The following MYRF variants were observed in gnomAD, a reference collection of about 807,000 sequenced individuals.
The protein encoded by MYRF is myelin regulatory factor, also known as myelin gene regulatory factor.
Under a neutral mutation model 126.3 loss-of-function variants are expected in MYRF, and 16 were observed. That is an observed-to-expected ratio of 0.13 (90% CI 0.09 to 0.19). The LOEUF (loss-of-function observed/expected upper bound fraction) is 0.19, where lower values mean the gene tolerates loss of function less well. Ranked by LOEUF, MYRF falls within the 10% of genes least tolerant of loss-of-function variation. The pLI, the probability that MYRF is intolerant of heterozygous loss-of-function variation, is 1.00. For missense variants in MYRF, 1,104 were observed against 1,547.0 expected, an observed-to-expected ratio of 0.71 and a Z score of 4.80; for synonymous variants, 608 against 635.3, an observed-to-expected ratio of 0.96 and a Z score of 0.65.
intron 1 of MYRF, chr11:61,755,386 G>A (rs373384599): frequency 4.4e-6 from 7 of 1,600,202 alleles, no homozygotes; most frequent in South Asian, 2.2e-5. Context: ...CCAGATCGGC[G>A]GGCACAGGGC....
At chr11:61,762,593 C>T (rs1387898993) in intron 1 of MYRF, among the ~76,000 whole-genome samples, 1 of 152,138 alleles carries the variant, frequency 6.6e-6, no homozygotes, top group Admixed American at 6.5e-5. Flanking sequence ...CTGCCCCTGT[C>T]CTGGGTTCTT....
intron 22 of MYRF, chr11:61,782,384 ATT>A (rs1187750583): frequency 6.6e-6 from 1 of 152,340 alleles, no homozygotes; most frequent in Non-Finnish European, 1.5e-5. Context: ...CATCTGATGG[ATT>A]TTGTGGCTTC....
intron 25 of MYRF, chr11:61,785,595 C>G (rs2066673884): frequency 1.7e-6 from 1 of 587,930 alleles, no homozygotes; most frequent in African/African-American, 1.9e-5. Flanking sequence ...GTGGACCTGC[C>G]AGTCCCGGGC....
rs1013170998 is a variant in MYRF at position 61,757,779 on chromosome 11, C to T, written c.46+4989C>T. 6 of 334,796 alleles carry T rather than the reference C, an allele frequency of 1.8e-5. No individual in the cohort carries two copies. The highest frequency in any genetic ancestry group is 2.4e-5 in the Non-Finnish European group (4 of 168,192). 20.7% of individuals were successfully genotyped at this position (334,796 alleles called of 1,614,324 possible). ...CTGGAGTCCTGGGGTGCAGTGGAAG[C>T]GTGGGTGACGGCCTCCCATTTCTGA... is the stretch of plus-strand genomic sequence containing the variant. On this transcript the variant is annotated intron_variant, in intron 1 of 26. Coordinates refer to ENST00000278836, the MANE Select transcript of MYRF (RefSeq NM_001127392.3). This position sits in a 1 kb window ranked among gnomAD's most constrained non-coding sequence, Gnocchi z 4.7.
At position 61,781,134 on chromosome 11, in the gene MYRF, T is replaced by C. The variant is rs772985777; in HGVS notation, c.2573-4T>C. Reference sequence around the variant, plus strand: ...CTGGCTCATACAGCCTCTGGCCTCCTCAGTGACCACCAGCCTCACCAGCTC... The same window carrying C: ...CTGGCTCATACAGCCTCTGGCCTCCCCAGTGACCACCAGCCTCACCAGCTC... On this transcript the variant is annotated splice_region_variant and splice_polypyrimidine_tract_variant and intron_variant, in intron 20 of 26. Transcript: ENST00000278836. 7.4e-6 allele frequency: 12 copies of C among 1,613,162 alleles called. No homozygotes were observed. The highest frequency in any genetic ancestry group is 1.0e-5 in the Non-Finnish European group (12 of 1,179,972).
rs199994887 is a variant in MYRF, at chr11:61,779,538, C to T, written c.2215C>T (p.His739Tyr). 1.4e-5 allele frequency: 21 copies of T among 1,507,572 alleles called. No individual in the cohort carries two copies. The East Asian group carries it at 4.9e-4, about 35-fold the overall frequency. 93.4% of individuals were successfully genotyped at this position (1,507,572 alleles called of 1,614,324 possible). A position where few individuals can be genotyped will look rare whatever the true frequency, so the allele number is the denominator to read the frequency against. The change falls in exon 16 of 27, where the codon CAC becomes TAC. Residue 739 changes from histidine to tyrosine, a missense_variant. This residue lies in a region of MYRF where 323 missense variants were observed against 383.1 expected (regional missense o/e 0.84). Transcript: ENST00000278836. ...GTTCAGTCGGGCGGGCAGCGTCCCC[C>T]ACAAGAAGAGGCCCCCCAAGGTGGC... is the stretch of plus-strand genomic sequence containing the variant. ...SQFSRAGSVP[H>Y]KKRPPKVASK...
At chr11:61,759,793 A>T (rs2065856734) in intron 1 of MYRF, among the ~76,000 whole-genome samples, 1 of 152,110 alleles carries the variant, frequency 6.6e-6, no homozygotes, top group Admixed American at 6.5e-5. Context: ...AGAACCTGAT[A>T]GAAAAACGGC....
intron 24 of MYRF, 102 bp from the exon 25 acceptor site, chr11:61,784,178 G>C: frequency 6.0e-6 from 7 of 1,168,228 alleles, no homozygotes; most frequent in Non-Finnish European, 7.4e-6. Flanking sequence ...CGGTGTTTCA[G>C]GCTGGGTGGA....
At chr11:61,758,024 C>T (rs554632760) in intron 1 of MYRF, among the ~76,000 whole-genome samples, 38 of 152,182 alleles carry the variant, frequency 2.5e-4, no homozygotes, top group Non-Finnish European at 5.1e-4. Context: ...ACCTCAGAGC[C>T]CTCACTCACA....
intron 1 of MYRF, chr11:61,754,415 A>G (rs1282778622): frequency 6.6e-6 from 1 of 152,346 alleles, no homozygotes; most frequent in African/African-American, 2.4e-5. Context: ...GATCCATAGG[A>G]GCTCTCGAGG....
chr11:61,787,516 A>G lies in MYRF; in HGVS notation c.*1373A>G, dbSNP rs1591139863. 1 of 152,836 alleles carries G rather than the reference A, an allele frequency of 6.5e-6. No homozygotes were observed. Among genetic ancestry groups the G allele is most frequent in the Non-Finnish European group, 1.5e-5 (1 of 68,026 alleles). The allele number at this position is 152,836 out of a possible 1,614,324, so 9.5% of individuals were successfully genotyped here. A position where few individuals can be genotyped will look rare whatever the true frequency, so the allele number is the denominator to read the frequency against. ...AGGCCTTGCCCCTGTCCCACCACTC[A>G]TTCTCAGCTTTGAATGGGAGGCCTT... On this transcript the variant is annotated 3_prime_UTR_variant, in exon 27 of 27. Transcript: ENST00000278836.
chr11:61,752,684 C>G lies in MYRF; in HGVS notation c.-61C>G. On this transcript the variant is annotated 5_prime_UTR_variant, in exon 1 of 27. Coordinates refer to ENST00000278836, the MANE Select transcript of MYRF (RefSeq NM_001127392.3). ...GTCGCGCGGGCCGCGCCGGCGATGC[C>G]GCGCCCCCGGGCCGGGCTGTAGCGG... The G allele has an allele frequency of 8.1e-7, 1 of 1,230,044 alleles. No homozygotes were observed. Among genetic ancestry groups the G allele is most frequent in the Non-Finnish European group, 1.0e-6 (1 of 981,714 alleles). The allele number at this position is 1,230,044 out of a possible 1,614,324, so 76.2% of individuals were successfully genotyped here. A position where few individuals can be genotyped will look rare whatever the true frequency, so the allele number is the denominator to read the frequency against.
chr11:61,778,753 G>C lies in MYRF; in HGVS notation c.2013+264G>C, dbSNP rs540830101. ...TGGAGGGCCATGGCCTTCCACCCCCGGTAAAATGAGGGCGGTAATAGAACT... is the reference window on the plus strand; with the variant it reads ...TGGAGGGCCATGGCCTTCCACCCCCCGTAAAATGAGGGCGGTAATAGAACT... On this transcript the variant is annotated intron_variant, in intron 14 of 26. Transcript: ENST00000278836. This position sits in a 1 kb window ranked among gnomAD's most constrained non-coding sequence, Gnocchi z 4.6. 1.6e-6 allele frequency: 1 copy of C among 621,062 alleles called. No homozygotes were observed. Among genetic ancestry groups the C allele is most frequent in the African/African-American group, 1.8e-5 (1 of 55,476 alleles). 38.5% of individuals were successfully genotyped at this position (621,062 alleles called of 1,614,324 possible).
At chr11:61,785,419 T>A (rs2066668388) in intron 25 of MYRF, 1 of 189,030 alleles carries the variant, frequency 5.3e-6, no homozygotes, top group Non-Finnish European at 1.1e-5. Context: ...TTTTAGGAAG[T>A]GGCTCAGTTT....
chr11:61,777,386 G>A lies in MYRF; in HGVS notation c.1713G>A (p.Leu571=), dbSNP rs2066412440. 1 of 1,613,814 alleles carries A rather than the reference G, an allele frequency of 6.2e-7. No homozygotes were observed. The highest frequency in any genetic ancestry group is 1.3e-5 in the African/African-American group (1 of 74,926). Reference sequence around the variant, plus strand: ...ACACAGACCGGCCGGATGAGGCGCTGGTTGTGCACGGGAATGTCAAGGTCA... The same window carrying A: ...ACACAGACCGGCCGGATGAGGCGCTAGTTGTGCACGGGAATGTCAAGGTCA... ...GINTDRPDEA[L]VVHGNVKVMG... is the part of the protein sequence containing the mutation. Residue 571 remains leucine (L), a synonymous_variant, in exon 12 of 27, where the codon CTG becomes CTA. Transcript: ENST00000278836. This position sits in a 1 kb window ranked among gnomAD's most constrained non-coding sequence, Gnocchi z 8.8.
In MYRF at chr11:61,783,774, G is replaced by A. The variant is rs1028580318; in HGVS notation, c.3120-77G>A. The A allele has an allele frequency of 2.3e-5, 34 of 1,462,676 alleles. No individual in the cohort carries two copies. The highest frequency in any genetic ancestry group is 2.8e-6 in the Non-Finnish European group (3 of 1,066,554). The allele number at this position is 1,462,676 out of a possible 1,614,324, so 90.6% of individuals were successfully genotyped here. A position where few individuals can be genotyped will look rare whatever the true frequency, so the allele number is the denominator to read the frequency against. On this transcript the variant is annotated intron_variant, in intron 23 of 26. Transcript: ENST00000278836. The surrounding 1 kb of genome is among the most constrained non-coding windows in gnomAD (Gnocchi z 4.6). ...CTTCTGGAGGGCTCCAGTACAGATT[G>A]GGGGCTGAGGAGTCCCTGGTGGGGG...
In MYRF at chr11:61,786,077, C is replaced by T; in HGVS notation, c.3390C>T (p.Cys1130=). Residue 1130 remains cysteine (C), a synonymous_variant, in exon 27 of 27, where the codon TGC becomes TGT. Coordinates refer to ENST00000278836, the MANE Select transcript of MYRF (RefSeq NM_001127392.3). The surrounding 1 kb of genome is among the most constrained non-coding windows in gnomAD (Gnocchi z 4.5). ...FRVALLGQAN[C]SSEALAQPAT... ...CTTCCACCCAGGGTCAGGCCAACTG[C>T]AGTTCAGAGGCTCTCGCCCAGCCAG... 1.9e-6 allele frequency: 3 copies of T among 1,614,208 alleles called. No homozygotes were observed. Among genetic ancestry groups the T allele is most frequent in the African/African-American group, 1.3e-5 (1 of 75,066 alleles).
Position 61,773,240 on chromosome 11 carries a change from G to A in MYRF, c.1116-727G>A, listed in dbSNP as rs551239554. On this transcript the variant is annotated intron_variant, in intron 7 of 26. Transcript: ENST00000278836. ...CTTGACCTCATGATCTGCCTGCCTT[G>A]GCCTCCCAAAGTGCTGGGATTACAG... 1.6e-4 allele frequency among the ~76,000 whole-genome samples: 24 copies of A among 152,172 alleles called. No homozygotes were observed. The East Asian group carries it at 4.1e-3, about 26-fold the overall frequency.
chr11:61,768,117 C>CAA (rs561078800), intron 3 of MYRF, among the ~76,000 whole-genome samples: 7 of 60,356 alleles, frequency 1.2e-4, no homozygotes, highest in African/African-American at 2.4e-4. Context: ...GACTCTGTCT[C>CAA]AAAAAAAAAA....
Sources: gnomAD v4.1 joint callset for allele counts (sites outside exome capture counted in the v4.1 genomes callset) on GRCh38, gnomAD v4.1.1 for gene constraint, gnomAD v4.1.1 regional missense constraint, Gnocchi (gnomAD v3.1) non-coding constraint, MANE v1.5 for transcripts, NCBI Gene and HGNC (gene_info 2026-07-23, HGNC 2026-07-21) for gene names.